The following CDH13 variants were observed in gnomAD, a reference collection of about 807,000 sequenced individuals.
The protein encoded by CDH13 is cadherin-13.
CDH13 carries 24 observed loss-of-function variants against 63.8 expected under a neutral mutation model. That is an observed-to-expected ratio of 0.38 (90% CI 0.27 to 0.53). CDH13 has a LOEUF of 0.53. Ranked by LOEUF, CDH13 falls within the 20% of genes least tolerant of loss-of-function variation. CDH13 has a pLI of 0.85. For synonymous variants in CDH13, 503 were observed against 355.3 expected (o/e 1.42, Z -4.67); for missense variants, 1,049 against 903.1 (o/e 1.16, Z -2.07).
At chr16:82,749,012 A>T (rs1232589403) in intron 1 of CDH13, among the ~76,000 whole-genome samples, 2 of 152,120 alleles carry the variant, frequency 1.3e-5, no homozygotes, top group Non-Finnish European at 2.9e-5. Context: ...AATTAATTTG[A>T]ATGTTGCAGA....
intron 5 of CDH13, among the ~76,000 whole-genome samples, chr16:83,279,091 C>CT (rs879783645): frequency 8.2e-4 from 118 of 144,366 alleles, no homozygotes; most frequent in South Asian, 1.8e-3. Flanking sequence ...CTCATTTTAA[C>CT]TTTTTTTTTT....
chr16:82,700,373 C>T (rs1462802646), intron 1 of CDH13, among the ~76,000 whole-genome samples: 1 of 152,188 alleles, frequency 6.6e-6, no homozygotes, highest in East Asian at 1.9e-4. Context: ...GACCAACGTT[C>T]TATGCAGAGG....
intron 2 of CDH13, among the ~76,000 whole-genome samples, chr16:82,872,299 T>G (rs1199381130): frequency 6.6e-6 from 1 of 152,218 alleles, no homozygotes; most frequent in Non-Finnish European, 1.5e-5. Flanking sequence ...TAATTAAGAC[T>G]ATCAAATTCT....
intron 1 of CDH13, among the ~76,000 whole-genome samples, chr16:82,646,058 A>C (rs1212878041): frequency 6.6e-6 from 1 of 152,264 alleles, no homozygotes; most frequent in African/African-American, 2.4e-5. Flanking sequence ...CTTCAAGAGC[A>C]AACAATGAGA....
chr16:83,181,500 A>C (rs2038347310), intron 4 of CDH13, among the ~76,000 whole-genome samples: 1 of 152,236 alleles, frequency 6.6e-6, no homozygotes, highest in South Asian at 2.1e-4. Flanking sequence ...GTACTTGACA[A>C]TTGGCTTTTC....
At chr16:82,753,670 G>A (rs757132537) in intron 1 of CDH13, among the ~76,000 whole-genome samples, 1 of 152,202 alleles carries the variant, frequency 6.6e-6, no homozygotes, top group Non-Finnish European at 1.5e-5. Flanking sequence ...GTCTTAATGA[G>A]CTTGCTGACT....
intron 1 of CDH13, among the ~76,000 whole-genome samples, chr16:82,739,445 A>AAT (rs1306659558): frequency 6.6e-6 from 1 of 152,218 alleles, no homozygotes; most frequent in East Asian, 1.9e-4. Context: ...TTCCTCATGA[A>AAT]ATATGCTTTA....
chr16:83,114,752 A>G (rs1025578000), intron 3 of CDH13, among the ~76,000 whole-genome samples: 4 of 152,174 alleles, frequency 2.6e-5, no homozygotes, highest in Non-Finnish European at 4.4e-5. Flanking sequence ...TTCTTCCTTA[A>G]GTAGGCAAAC....
chr16:83,725,757 C>G (rs1174234612), intron 10 of CDH13: 2 of 152,218 alleles, frequency 1.3e-5, no homozygotes, highest in Non-Finnish European at 2.9e-5. Context: ...TCAAGTTGTG[C>G]TCATTTATAA....
At chr16:82,973,938 T>G (rs1401014391) in intron 2 of CDH13, among the ~76,000 whole-genome samples, 1 of 152,152 alleles carries the variant, frequency 6.6e-6, no homozygotes, top group African/African-American at 2.4e-5. Context: ...TTTGGTTTTT[T>G]TTGAAACAGA....
At position 83,289,051 on chromosome 16, in the gene CDH13, C is replaced by G. The variant is rs1191859555; in HGVS notation, c.637-55811C>G. Among the ~76,000 whole-genome samples the G allele has an allele frequency of 2.6e-5, 4 of 152,208 alleles. No individual in the cohort carries two copies. In the East Asian group the frequency reaches 7.7e-4, roughly 29 times the overall value. On this transcript the variant is annotated intron_variant, in intron 5 of 13. Transcript: ENST00000567109. Reference sequence around the variant, plus strand: ...TGAAATAGAAAATGTGAAACTCCTACATTCACCAAGTGAGTCTTTAGTGAA... The same window carrying G: ...TGAAATAGAAAATGTGAAACTCCTAGATTCACCAAGTGAGTCTTTAGTGAA...
At position 83,047,312 on chromosome 16, in the gene CDH13, C is replaced by A. The variant is rs1917888270; in HGVS notation, c.366+15094C>A. Among the ~76,000 whole-genome samples the A allele has an allele frequency of 6.6e-6, 1 of 152,162 alleles. No homozygotes were observed. Among genetic ancestry groups the A allele is most frequent in the East Asian group, 1.9e-4 (1 of 5,192 alleles). On this transcript the variant is annotated intron_variant, in intron 3 of 13. Coordinates refer to ENST00000567109, the MANE Select transcript of CDH13 (RefSeq NM_001257.5). The surrounding 1 kb of genome is among the most constrained non-coding windows in gnomAD (Gnocchi z 4.9). ...GTCATCTAATCAAAATGCATTATTT[C>A]TGTCCTTGCATTGTCCATTCTCGTA... is the stretch of plus-strand genomic sequence containing the variant.
intron 2 of CDH13, among the ~76,000 whole-genome samples, chr16:82,886,046 G>A (rs1264467227): frequency 1.3e-5 from 2 of 152,150 alleles, no homozygotes; most frequent in Non-Finnish European, 1.5e-5. Context: ...AATTATAAAT[G>A]CAGTCATAAA....
chr16:83,223,819 T>C (rs113103406), intron 5 of CDH13, among the ~76,000 whole-genome samples: 94 of 152,328 alleles, frequency 6.2e-4, no homozygotes, highest in African/African-American at 1.6e-3. Context: ...ATCTACCACA[T>C]TGTGATGACA....
At chr16:83,760,984 TC>T (rs1363596725) in intron 11 of CDH13, among the ~76,000 whole-genome samples, 1 of 152,194 alleles carries the variant, frequency 6.6e-6, no homozygotes, top group Admixed American at 6.5e-5. Flanking sequence ...CAAATCATGT[TC>T]CCTGCAGTCC....
intron 3 of CDH13, among the ~76,000 whole-genome samples, chr16:83,123,934 A>C (rs8053699): frequency 6.6e-6 from 1 of 152,064 alleles, no homozygotes; most frequent in Non-Finnish European, 1.5e-5. Flanking sequence ...TGTCGTTTCA[A>C]TTTGCATTTC....
intron 1 of CDH13, among the ~76,000 whole-genome samples, chr16:82,666,390 A>T (rs1302292872): frequency 2.6e-5 from 4 of 152,220 alleles, no homozygotes; most frequent in African/African-American, 4.8e-5. Context: ...CAATGAGGCC[A>T]CCATCAGCCC....
chr16:83,753,225 G>A (rs418518), intron 11 of CDH13, among the ~76,000 whole-genome samples: 39,762 of 151,986 alleles, frequency 0.26, 5,734 homozygotes, highest in Non-Finnish European at 0.34. Flanking sequence ...TGTTTAACCC[G>A]GAAAAGCCAA....
chr16:82,925,436 G>T (rs1010146789), intron 2 of CDH13, among the ~76,000 whole-genome samples: 1 of 152,166 alleles, frequency 6.6e-6, no homozygotes, highest in Admixed American at 6.5e-5. Context: ...AGAACAATGG[G>T]CTACACCAGC....
Sources: gnomAD v4.1 joint callset for allele counts (sites outside exome capture counted in the v4.1 genomes callset) on GRCh38, gnomAD v4.1.1 for gene constraint, Gnocchi (gnomAD v3.1) non-coding constraint, MANE v1.5 for transcripts, NCBI Gene and HGNC (gene_info 2026-07-23, HGNC 2026-07-21) for gene names.